Variants in CGGBP1 observed in about 807,000 individuals in gnomAD.
CGGBP1 encodes CGG triplet repeat binding protein 1.
Under a neutral mutation model 11.4 loss-of-function variants are expected in CGGBP1, and 4 were observed. The observed-to-expected ratio is 0.35, with a 90% CI of 0.17 to 0.80. The LOEUF (loss-of-function observed/expected upper bound fraction) is 0.80. Ranked by LOEUF, CGGBP1 falls within the 30% of genes least tolerant of loss-of-function variation. CGGBP1 has a pLI of 0.52. For missense variants in CGGBP1, 135 were observed against 202.1 expected (o/e 0.67, Z 2.01); for synonymous variants, 76 against 74.1 (o/e 1.03, Z -0.13).
upstream of CGGBP1, among the ~76,000 whole-genome samples, chr3:88,061,893 C>T (rs1706906715): frequency 6.6e-6 from 1 of 152,146 alleles, no homozygotes; most frequent in South Asian, 2.1e-4. Flanking sequence ...ATGAATTATA[C>T]AGACAGGCTA....
intron 2 of CGGBP1, chr3:88,129,933 T>A (rs1253937712): frequency 5.6e-5 from 58 of 1,029,326 alleles, no homozygotes; most frequent in Middle Eastern, 3.0e-4. Flanking sequence ...AAGCTACTTT[T>A]AAAAAAAAAT....
At chr3:88,138,083 C>G (rs1374306891) in intron 2 of CGGBP1, among the ~76,000 whole-genome samples, 3 of 152,092 alleles carry the variant, frequency 2.0e-5, no homozygotes, top group Non-Finnish European at 4.4e-5. Flanking sequence ...GAGTACTGTT[C>G]AGATAACTTC....
At chr3:88,104,929 G>A (rs13067419) in intron 2 of CGGBP1, among the ~76,000 whole-genome samples, 119,240 of 152,204 alleles carry the variant, frequency 0.78, 47,628 homozygotes, top group South Asian at 0.91. Flanking sequence ...ACTTCAGGCC[G>A]GAAGTTTGAG....
At chr3:88,124,122 T>G (rs112617092) in intron 2 of CGGBP1, among the ~76,000 whole-genome samples, 7 of 152,342 alleles carry the variant, frequency 4.6e-5, no homozygotes, top group African/African-American at 1.7e-4. Context: ...TTATTCGAAC[T>G]GTTAAAATAC....
chr3:88,081,008 T>G (rs1708048886), intron 2 of CGGBP1, among the ~76,000 whole-genome samples: 1 of 152,214 alleles, frequency 6.6e-6, no homozygotes. Flanking sequence ...TTGTTTCTCC[T>G]TAGTCTCTTC....
At chr3:88,070,087 G>A (rs1477561532) in intron 2 of CGGBP1, among the ~76,000 whole-genome samples, 1 of 152,082 alleles carries the variant, frequency 6.6e-6, no homozygotes, top group African/African-American at 2.4e-5. Flanking sequence ...CTCTTTTTCA[G>A]CTGATGGGAG....
chr3:88,079,806 C>A (rs1707990622), intron 2 of CGGBP1, among the ~76,000 whole-genome samples: 1 of 152,038 alleles, frequency 6.6e-6, no homozygotes, highest in South Asian at 2.1e-4. Context: ...GTATAAATAT[C>A]AACTTTTAAG....
At chr3:88,121,627 C>G (rs975914618) in intron 2 of CGGBP1, among the ~76,000 whole-genome samples, 1 of 152,078 alleles carries the variant, frequency 6.6e-6, no homozygotes, top group Non-Finnish European at 1.5e-5. Flanking sequence ...AAATGCATAA[C>G]ATCCTTAAAT....
intron 2 of CGGBP1, chr3:88,135,216 A>G: frequency 7.0e-7 from 1 of 1,434,678 alleles, no homozygotes; most frequent in Non-Finnish European, 9.1e-7. Flanking sequence ...AATAGGATAT[A>G]TTTGTCCCTT....
At chr3:88,143,554 C>A (rs1227890847) in intron 1 of CGGBP1, 21 of 152,198 alleles carry the variant, frequency 1.4e-4, no homozygotes, top group Non-Finnish European at 8.9e-5. Context: ...CTGCTTTGTA[C>A]ATTTTCCAGA....
chr3:88,090,413 A>G (rs1708569219), intron 2 of CGGBP1, among the ~76,000 whole-genome samples: 1 of 152,178 alleles, frequency 6.6e-6, no homozygotes, highest in Non-Finnish European at 1.5e-5. Context: ...ATTTTTAAAA[A>G]TGGAAAAAAT....
upstream of CGGBP1, chr3:88,059,283 G>A: frequency 7.8e-6 from 12 of 1,532,518 alleles, no homozygotes; most frequent in Non-Finnish European, 8.7e-6. Context: ...GGCGGCGGCG[G>A]CGCAGGGGCT....
chr3:88,091,598 G>A (rs1432031131), intron 2 of CGGBP1, among the ~76,000 whole-genome samples: 2 of 152,058 alleles, frequency 1.3e-5, no homozygotes, highest in Non-Finnish European at 2.9e-5. Flanking sequence ...TGGTTTCACT[G>A]TGTCCCCACC....
intron 2 of CGGBP1, among the ~76,000 whole-genome samples, chr3:88,078,926 CTT>C (rs1707946619): frequency 6.6e-6 from 1 of 151,858 alleles, no homozygotes; most frequent in Non-Finnish European, 1.5e-5. Context: ...TTGTATACAA[CTT>C]TGATGATAAA....
chr3:88,112,971 A>G (rs1705185533), intron 2 of CGGBP1: 1 of 539,704 alleles, frequency 1.9e-6, no homozygotes, highest in Non-Finnish European at 3.2e-6. Context: ...AAAACATAAT[A>G]TGAATTCTAG....
At chr3:88,118,225 T>G (rs1406417722) in intron 2 of CGGBP1, among the ~76,000 whole-genome samples, 1 of 152,140 alleles carries the variant, frequency 6.6e-6, no homozygotes, top group African/African-American at 2.4e-5. Context: ...TAGGCCTTAA[T>G]AAAGCCTTCT....
At chr3:88,092,899 T>A (rs1703831068) in intron 2 of CGGBP1, among the ~76,000 whole-genome samples, 1 of 152,066 alleles carries the variant, frequency 6.6e-6, no homozygotes, top group Non-Finnish European at 1.5e-5. Flanking sequence ...AAAATTAGAG[T>A]TTTGCTAGTG....
At chr3:88,133,658 T>A (rs771517636) in intron 2 of CGGBP1, among the ~76,000 whole-genome samples, 4 of 152,118 alleles carry the variant, frequency 2.6e-5, no homozygotes, top group Non-Finnish European at 5.9e-5. Flanking sequence ...TTCCTGAGAT[T>A]CAAATCCTGA....
At chr3:88,139,306 G>A (rs1469004358) in intron 2 of CGGBP1, 7 of 1,591,918 alleles carry the variant, frequency 4.4e-6, no homozygotes, top group South Asian at 1.2e-5. Flanking sequence ...CCAAGGCATC[G>A]TTGTATGTTA....
Sources: allele counts gnomAD v4.1 joint callset (sites outside exome capture counted in the v4.1 genomes callset), GRCh38; gene constraint gnomAD v4.1.1; transcripts MANE v1.5; gene names NCBI Gene and HGNC (gene_info 2026-07-23, HGNC 2026-07-21).